The following TRDN variants were observed in gnomAD, a reference collection of about 807,000 sequenced individuals.
TRDN encodes the protein triadin.
Under a neutral mutation model 149.7 loss-of-function variants are expected in TRDN, and 161 were observed. That is an observed-to-expected ratio of 1.08 (90% CI 0.95 to 1.23). The LOEUF (loss-of-function observed/expected upper bound fraction) is 1.23. Among genes scored for constraint, TRDN ranks in the 50% most tolerant of loss-of-function variants. The pLI is 0.00. For synonymous variants in TRDN, 294 were observed against 250.5 expected, an observed-to-expected ratio of 1.17 and a Z score of -1.64; for missense variants, 896 against 823.5, an observed-to-expected ratio of 1.09 and a Z score of -1.08.
rs141228233 is a variant in TRDN, at chr6:123,547,684, A to G, written c.392-312T>C. On this transcript the variant is annotated intron_variant, in intron 3 of 40. Coordinates refer to ENST00000334268, the MANE Select transcript of TRDN (RefSeq NM_006073.4). ...TTGAACTCTTACTGGGGCCAAAACA[A>G]ATATAATTTCAGGAAAAGTTATAAA... Among the ~76,000 whole-genome samples the G allele has an allele frequency of 5.6e-3, 857 of 152,164 alleles. 12 individuals carry two copies. Among genetic ancestry groups the G allele is most frequent in the African/African-American group, 0.02 (823 of 41,552 alleles).
intron 38 of TRDN, among the ~76,000 whole-genome samples, chr6:123,238,826 A>G (rs1775882903): frequency 6.6e-6 from 1 of 152,020 alleles, no homozygotes; most frequent in African/African-American, 2.4e-5. Context: ...CATACTGCAT[A>G]ATACTCTTTT....
At chr6:123,257,162 T>C (rs1300246454) in intron 35 of TRDN, among the ~76,000 whole-genome samples, 1 of 151,980 alleles carries the variant, frequency 6.6e-6, no homozygotes, top group Non-Finnish European at 1.5e-5. Flanking sequence ...GTATTTTTAG[T>C]AGAGACAGAG....
intron 33 of TRDN, among the ~76,000 whole-genome samples, chr6:123,261,579 T>C (rs1359761334): frequency 6.6e-6 from 1 of 151,806 alleles, no homozygotes; most frequent in Non-Finnish European, 1.5e-5. Context: ...TCTCTGGTAG[T>C]TTAAGAAATA....
At chr6:123,262,108 T>A (rs985933209) in intron 33 of TRDN, among the ~76,000 whole-genome samples, 13 of 152,036 alleles carry the variant, frequency 8.6e-5, no homozygotes, top group Non-Finnish European at 1.3e-4. Context: ...TATTGTTGCA[T>A]ATTTACTATT....
intron 9 of TRDN, among the ~76,000 whole-genome samples, chr6:123,494,915 G>A (rs1055760670): frequency 6.6e-5 from 10 of 151,808 alleles, no homozygotes; most frequent in Non-Finnish European, 1.5e-4. Context: ...TGTATTTTTA[G>A]TAGAGACGGG....
chr6:123,298,783 T>C (rs933920378), intron 24 of TRDN, among the ~76,000 whole-genome samples: 3 of 152,078 alleles, frequency 2.0e-5, no homozygotes, highest in African/African-American at 7.2e-5. Flanking sequence ...AGAATTACTC[T>C]GCAGCCCTTT....
chr6:123,242,904 T>C (rs1389970284), intron 38 of TRDN, among the ~76,000 whole-genome samples: 1 of 152,036 alleles, frequency 6.6e-6, no homozygotes, highest in Non-Finnish European at 1.5e-5. Flanking sequence ...AAGGAACTCA[T>C]ATTGAGCCCC....
At chr6:123,511,210 A>C (rs149163607) in intron 7 of TRDN, among the ~76,000 whole-genome samples, 3 of 152,274 alleles carry the variant, frequency 2.0e-5, no homozygotes, top group East Asian at 3.9e-4. Context: ...CAGTTTTCCT[A>C]GTAAAATTTA....
intron 1 of TRDN, among the ~76,000 whole-genome samples, chr6:123,632,209 G>T (rs923413209): frequency 6.6e-5 from 10 of 152,010 alleles, no homozygotes; most frequent in Non-Finnish European, 1.3e-4. Context: ...GGTTCCCAGA[G>T]CCTACTGCCT....
intron 9 of TRDN, among the ~76,000 whole-genome samples, chr6:123,492,940 C>T (rs757917250): frequency 1.3e-5 from 2 of 151,962 alleles, no homozygotes; most frequent in African/African-American, 2.4e-5. Context: ...TCAATCTCTC[C>T]CCGACTCTCC....
At chr6:123,572,304 T>C (rs571232253) in intron 1 of TRDN, among the ~76,000 whole-genome samples, 3 of 152,274 alleles carry the variant, frequency 2.0e-5, no homozygotes, top group Non-Finnish European at 4.4e-5. Context: ...ATATGTAAGA[T>C]AATAACACTT....
chr6:123,518,024 A>G (rs1197448223), intron 5 of TRDN, among the ~76,000 whole-genome samples: 3 of 152,162 alleles, frequency 2.0e-5, no homozygotes, highest in Non-Finnish European at 4.4e-5. Flanking sequence ...GTGAAATTCT[A>G]AAATATGTTA....
intron 1 of TRDN, among the ~76,000 whole-genome samples, chr6:123,594,154 A>G (rs988655632): frequency 2.0e-5 from 3 of 152,204 alleles, no homozygotes; most frequent in African/African-American, 7.2e-5. Flanking sequence ...ATGAAATGAT[A>G]ATGTCAGAAT....
intron 12 of TRDN, among the ~76,000 whole-genome samples, chr6:123,433,164 T>TATA (rs1774408711): frequency 7.0e-5 from 4 of 57,406 alleles, no homozygotes; most frequent in African/African-American, 2.0e-4. Flanking sequence ...ATATATATAA[T>TATA]ATATATATAT....
chr6:123,433,801 C>T (rs1051352491), intron 12 of TRDN: 4 of 152,236 alleles, frequency 2.6e-5, no homozygotes, highest in Middle Eastern at 3.4e-3. Flanking sequence ...TATGAAAAGG[C>T]CAACCCAAGA....
intron 4 of TRDN, among the ~76,000 whole-genome samples, chr6:123,530,971 A>G (rs1012297885): frequency 6.6e-6 from 1 of 151,942 alleles, no homozygotes; most frequent in Non-Finnish European, 1.5e-5. Flanking sequence ...GAATTTGTGA[A>G]ATGAACTGTA....
intron 5 of TRDN, among the ~76,000 whole-genome samples, chr6:123,521,018 T>C (rs115148149): frequency 5.3e-5 from 8 of 152,308 alleles, no homozygotes; most frequent in African/African-American, 1.9e-4. Context: ...TTTAAATATA[T>C]TTTAATGTAT....
intron 13 of TRDN, among the ~76,000 whole-genome samples, chr6:123,391,879 G>T (rs534854863): frequency 6.6e-6 from 1 of 152,048 alleles, no homozygotes; most frequent in Non-Finnish European, 1.5e-5. Flanking sequence ...TTGTCTCCAC[G>T]TGAAGTACTT....
intron 4 of TRDN, among the ~76,000 whole-genome samples, chr6:123,542,002 G>C (rs946104885): frequency 3.3e-5 from 5 of 152,120 alleles, no homozygotes; most frequent in Non-Finnish European, 7.4e-5. Context: ...CATTCGCTCA[G>C]ACTGCAAGAG....
Sources: allele counts gnomAD v4.1 joint callset (sites outside exome capture counted in the v4.1 genomes callset), GRCh38; gene constraint gnomAD v4.1.1; transcripts MANE v1.5; gene names NCBI Gene and HGNC (gene_info 2026-07-23, HGNC 2026-07-21).